The following MYH7B variants were observed in gnomAD, a reference collection of about 807,000 sequenced individuals.
The protein encoded by MYH7B is myosin-7B.
In MYH7B, 205 loss-of-function variants were observed where a neutral mutation model predicts 234.5. The observed-to-expected ratio is 0.87, with a 90% CI of 0.78 to 0.98. The LOEUF (loss-of-function observed/expected upper bound fraction) is 0.98, where lower values mean the gene tolerates loss of function less well. MYH7B is among the 50% of genes least tolerant of loss of function. The pLI, the probability that MYH7B is intolerant of heterozygous loss-of-function variation, is 0.00. For synonymous variants in MYH7B, 1,193 were observed against 1,105.0 expected (o/e 1.08, Z -1.58); for missense variants, 2,652 against 2,633.4 (o/e 1.01, Z -0.15).
At chr20:34,961,164 C>A (rs932601081) in intron 2 of MYH7B, among the ~76,000 whole-genome samples, 3 of 152,128 alleles carry the variant, frequency 2.0e-5, no homozygotes, top group Non-Finnish European at 4.4e-5. Flanking sequence ...TACTTATAGA[C>A]CCTCTTCTCC....
chr20:34,986,227 G>A, intron 14 of MYH7B, 29 bp downstream of exon 14: 1 of 1,547,102 alleles, frequency 6.5e-7, no homozygotes, highest in Non-Finnish European at 8.8e-7. Flanking sequence ...AAGGGGGTGG[G>A]AGTCAGAACC....
Position 34,967,161 on chromosome 20 carries a change from G to A in MYH7B, c.-221-8239G>A, listed in dbSNP as rs1013545339. ...GGAGAATCGCTTGAACCCAGGAGGC[G>A]GAGGTTGTAGTGAGCCGACATCACG... On this transcript the variant is annotated intron_variant, in intron 2 of 44. Transcript: ENST00000262873. 7.9e-5 allele frequency among the ~76,000 whole-genome samples: 12 copies of A among 152,006 alleles called. No individual in the cohort carries two copies. In the East Asian group the frequency reaches 1.7e-3, roughly 22 times the overall value.
chr20:34,996,410 A>T, exon 29 of MYH7B: 9 of 1,613,130 alleles, frequency 5.6e-6, no homozygotes, highest in Non-Finnish European at 7.6e-6. Flanking sequence ...ACCAAGGAGA[A>T]GAAGGCGTTG....
chr20:34,989,885 A>AG lies in MYH7B; in HGVS notation c.1735dup (p.Ala579GlyfsTer29), dbSNP rs749033507. The AG allele has an allele frequency of 4.3e-6, 7 of 1,614,140 alleles. No individual in the cohort carries two copies. The South Asian group carries it at 7.7e-5, about 18-fold the overall frequency. On this transcript the variant is annotated frameshift_variant, in exon 20 of 45. Coordinates refer to ENST00000262873, the Ensembl canonical transcript of MYH7B. LOFTEE classifies it high-confidence loss of function. ...CGGCCTGACAAGAAGCGCAAGTACC[A>AG]GGCCCACTTCGAGGTGGTCCACTAC...
At chr20:34,987,486 G>C in intron 16 of MYH7B, 71 bp from the exon 17 acceptor site, 1 of 1,460,986 alleles carries the variant, frequency 6.8e-7, no homozygotes, top group Non-Finnish European at 9.4e-7. Flanking sequence ...CCTAGCCCCA[G>C]GCTGAGGCAG....
In MYH7B at chr20:34,993,481, G is replaced by A; in HGVS notation, c.2444+11G>A. 6.3e-7 allele frequency: 1 copy of A among 1,581,004 alleles called. No individual in the cohort carries two copies. The highest frequency in any genetic ancestry group is 8.6e-7 in the Non-Finnish European group (1 of 1,168,384). ...CCTGCTGGGAGGCAGGTGGGTGTGG[G>A]AAGGAGGCTGGGGACAGGGTGTGTC... On this transcript the variant is annotated intron_variant, in intron 26 of 44. Coordinates refer to ENST00000262873, the Ensembl canonical transcript of MYH7B.
chr20:34,975,738 C>T (rs1268882804), intron 3 of MYH7B, among the ~76,000 whole-genome samples: 6 of 151,866 alleles, frequency 4.0e-5, no homozygotes, highest in South Asian at 4.2e-4. Flanking sequence ...TTTTTTGAGA[C>T]GGAGTCTCGT....
intron 11 of MYH7B, 36 bp downstream of exon 11, chr20:34,984,751 G>A: frequency 6.2e-7 from 1 of 1,607,072 alleles, no homozygotes; most frequent in Non-Finnish European, 8.5e-7. Flanking sequence ...GGCAGCCCTG[G>A]GGGTACCCCC....
intron 2 of MYH7B, among the ~76,000 whole-genome samples, chr20:34,971,139 T>G (rs1242057333): frequency 2.6e-5 from 4 of 152,162 alleles, no homozygotes; most frequent in African/African-American, 9.7e-5. Flanking sequence ...TGAGAGGTTG[T>G]GCTGTCAGGC....
Position 35,000,307 on chromosome 20 carries a change from G to A in MYH7B, c.4796G>A (p.Arg1599Gln), listed in dbSNP as rs200483933. 34 of 1,582,992 alleles carry A rather than the reference G, an allele frequency of 2.1e-5. No homozygotes were observed. The Admixed American group carries it at 4.5e-4, about 21-fold the overall frequency. Residue 1599 changes from arginine (R) to glutamine (Q), a missense_variant, in exon 39 of 45, where the codon CGA (arginine) becomes CAA (glutamine). Physicochemically the swap from Arg to Gln is conservative, Grantham distance 43. This residue lies in a region of MYH7B where 2,279 missense variants were observed against 2,211.4 expected (regional missense o/e 1.03). Coordinates refer to ENST00000262873, the Ensembl canonical transcript of MYH7B. ...TCCTCCCATAGGCGCAACCACCAGC[G>A]AGCTGTGGAGTCCCTGCAGGCCTCC...
chr20:35,002,285 C>CT (rs2082408294), exon 45 of MYH7B: 1 of 1,373,128 alleles, frequency 7.3e-7, no homozygotes, highest in Non-Finnish European at 9.8e-7. Flanking sequence ...TCGCCCCCTG[C>CT]TGCCTTCAGC....
intron 3 of MYH7B, among the ~76,000 whole-genome samples, chr20:34,977,143 C>A (rs1343697774): frequency 6.9e-6 from 1 of 145,882 alleles, no homozygotes; most frequent in Non-Finnish European, 1.5e-5. Flanking sequence ...TGTTCTTCTC[C>A]TTCTCTCTCC....
chr20:34,983,199 T>G (rs1169656519), intron 10 of MYH7B, among the ~76,000 whole-genome samples: 1 of 152,208 alleles, frequency 6.6e-6, no homozygotes, highest in African/African-American at 2.4e-5. Flanking sequence ...CTCCTGGTCC[T>G]GTTAAGCCTT....
intron 8 of MYH7B, 111 bp downstream of exon 8, chr20:34,980,845 G>A: frequency 1.3e-6 from 2 of 1,521,390 alleles, no homozygotes; most frequent in Non-Finnish European, 1.8e-6. Flanking sequence ...TGACGCTGCT[G>A]GACATGGTCG....
In MYH7B at chr20:34,977,669, C is replaced by T. The variant is rs774018469; in HGVS notation, c.-84C>T. The T allele has an allele frequency of 2.5e-5, 34 of 1,376,236 alleles. No individual in the cohort carries two copies. In the Admixed American group the frequency reaches 3.6e-4, roughly 15 times the overall value. 85.3% of individuals were successfully genotyped at this position (1,376,236 alleles called of 1,614,324 possible). On this transcript the variant is annotated 5_prime_UTR_variant, in exon 4 of 45. Coordinates refer to ENST00000262873, the Ensembl canonical transcript of MYH7B. ...GGGTAGCAGAGCTTCCTGCCCTCAC[C>T]GTGGTGCCGAGGTAGGTGATCAGGG...
At position 34,992,550 on chromosome 20, in the gene MYH7B, C is replaced by T. The variant is rs532730137; in HGVS notation, c.2184-552C>T. On this transcript the variant is annotated intron_variant, in intron 24 of 44. Transcript: ENST00000262873. ...ACTTAATGAATGCATTTAAAATCCCCCCAAGGTTGTGTTTTTTTTTTTTTT... is the reference window on the plus strand; with the variant it reads ...ACTTAATGAATGCATTTAAAATCCCTCCAAGGTTGTGTTTTTTTTTTTTTT... Among the ~76,000 whole-genome samples the T allele has an allele frequency of 2.7e-5, 4 of 149,468 alleles. No homozygotes were observed. The South Asian group carries it at 8.4e-4, about 32-fold the overall frequency.
chr20:34,979,314 ATGGCT>A (rs1432651826), intron 5 of MYH7B, 71 bp from the exon 6 acceptor site: 1 of 1,180,646 alleles, frequency 8.5e-7, no homozygotes, highest in Non-Finnish European at 1.2e-6. Flanking sequence ...TATGGATACC[ATGGCT>A]TGGGAACTCC....
At chr20:34,959,058 A>G (rs78737890) in intron 2 of MYH7B, among the ~76,000 whole-genome samples, 1 of 152,376 alleles carries the variant, frequency 6.6e-6, no homozygotes, top group Non-Finnish European at 1.5e-5. Flanking sequence ...CAGCCTTTCA[A>G]GGTAGAAATC....
chr20:35,001,783 G>A (rs973154029), intron 43 of MYH7B, among the ~76,000 whole-genome samples, 165 bp from the exon 44 acceptor site: 2 of 152,162 alleles, frequency 1.3e-5, no homozygotes, highest in South Asian at 2.1e-4. Flanking sequence ...AAGTTGGTGC[G>A]TCCCAACTTC....
Sources: allele counts gnomAD v4.1 joint callset (sites outside exome capture counted in the v4.1 genomes callset), GRCh38; gene constraint gnomAD v4.1.1; regional missense constraint gnomAD v4.1.1; transcripts MANE v1.5; gene names NCBI Gene and HGNC (gene_info 2026-07-23, HGNC 2026-07-21).